The following LOC128092252 variants were observed in gnomAD, a reference collection of about 807,000 sequenced individuals.
At chr15:50,682,767 A>G in the LOC128092252 span, among the ~76,000 whole-genome samples, 1 of 152,180 alleles carries the variant, frequency 6.6e-6, no homozygotes, top group Non-Finnish European at 1.5e-5. Flanking sequence ...GCAAAGCATC[A>G]TCTAAAAGTG....
At chr15:50,666,772 A>G in the LOC128092252 span, among the ~76,000 whole-genome samples, 42 of 152,190 alleles carry the variant, frequency 2.8e-4, no homozygotes, top group African/African-American at 1.0e-3. Flanking sequence ...ATTGCACTCC[A>G]GCCTGGGCAA....
At chr15:50,657,770 G>A in the LOC128092252 span, 1 of 1,610,638 alleles carries the variant, frequency 6.2e-7, no homozygotes, top group Non-Finnish European at 8.5e-7. Context: ...GTATAGTTAT[G>A]TTAAACTTAC....
the LOC128092252 span, among the ~76,000 whole-genome samples, chr15:50,649,667 G>C: frequency 6.6e-6 from 1 of 152,222 alleles, no homozygotes; most frequent in South Asian, 2.1e-4. Flanking sequence ...GTCTGAGGCT[G>C]GGGTACAAAG....
the LOC128092252 span, among the ~76,000 whole-genome samples, chr15:50,651,577 G>T: frequency 2.6e-5 from 4 of 152,066 alleles, no homozygotes; most frequent in African/African-American, 9.7e-5. Flanking sequence ...CAGGTGGATT[G>T]CTTAAGCCCA....
the LOC128092252 span, among the ~76,000 whole-genome samples, chr15:50,651,193 G>C: frequency 2.0e-5 from 3 of 151,768 alleles, no homozygotes; most frequent in African/African-American, 7.3e-5. Context: ...TCTCAAAAAA[G>C]TAAATAAATA....
chr15:50,663,769 C>G, the LOC128092252 span, among the ~76,000 whole-genome samples: 2 of 151,990 alleles, frequency 1.3e-5, no homozygotes, highest in Non-Finnish European at 2.9e-5. Context: ...TCAAGGCTAC[C>G]CTGGAAAACA....
the LOC128092252 span, among the ~76,000 whole-genome samples, chr15:50,656,779 C>T: frequency 6.6e-6 from 1 of 152,088 alleles, no homozygotes; most frequent in African/African-American, 2.4e-5. Context: ...TCATCAGACC[C>T]TAAAGCATAT....
At chr15:50,664,606 T>C in the LOC128092252 span, among the ~76,000 whole-genome samples, 1 of 152,266 alleles carries the variant, frequency 6.6e-6, no homozygotes, top group South Asian at 2.1e-4. Context: ...TTAGTAGCAT[T>C]AGACAAATCT....
chr15:50,682,173 C>CAAAAAAAAAAAAAAAAAAAAAAA, the LOC128092252 span, among the ~76,000 whole-genome samples: 21 of 63,672 alleles, frequency 3.3e-4, 1 homozygote, highest in Non-Finnish European at 5.0e-4. Context: ...AACTCAGTCT[C>CAAAAAAAAAAAAAAAAAAAAAAA]AAAAAAAAAA....
At chr15:50,666,716 T>A in the LOC128092252 span, among the ~76,000 whole-genome samples, 1 of 151,652 alleles carries the variant, frequency 6.6e-6, no homozygotes, top group South Asian at 2.1e-4. Context: ...GCAGGAGAAT[T>A]GCTTGAACCT....
the LOC128092252 span, among the ~76,000 whole-genome samples, chr15:50,678,928 C>T: frequency 6.6e-6 from 1 of 152,268 alleles, no homozygotes; most frequent in East Asian, 1.9e-4. Context: ...GGCTGGAGTG[C>T]AATGGCGTGA....
the LOC128092252 span, among the ~76,000 whole-genome samples, chr15:50,660,291 T>C: frequency 1.7e-3 from 253 of 152,258 alleles, 1 homozygote; most frequent in African/African-American, 5.6e-3. Flanking sequence ...AATTGAGGGA[T>C]ATTTAAAAAA....
chr15:50,673,521 T>C, the LOC128092252 span, among the ~76,000 whole-genome samples: 1 of 152,142 alleles, frequency 6.6e-6, no homozygotes, highest in African/African-American at 2.4e-5. Flanking sequence ...ACATATGATG[T>C]TTGGTTTTCC....
At chr15:50,659,390 AAAGCAC>A in the LOC128092252 span, among the ~76,000 whole-genome samples, 153 of 152,298 alleles carry the variant, frequency 1.0e-3, no homozygotes, top group East Asian at 9.1e-3. Context: ...ACTTATAGCT[AAAGCAC>A]AGTACTGGAA....
At chr15:50,662,666 A>G in the LOC128092252 span, among the ~76,000 whole-genome samples, 1 of 147,898 alleles carries the variant, frequency 6.8e-6, no homozygotes, top group African/African-American at 2.7e-5. Context: ...AAAAAATAAG[A>G]GAGTCTTAAC....
At chr15:50,648,833 C>T in the LOC128092252 span, 2 of 1,612,784 alleles carry the variant, frequency 1.2e-6, no homozygotes, top group Non-Finnish European at 1.7e-6. Context: ...TATTTCATGG[C>T]AAGACTTGCA....
the LOC128092252 span, chr15:50,657,696 TGCCACTG>T: frequency 3.3e-6 from 4 of 1,211,610 alleles, no homozygotes; most frequent in Admixed American, 7.5e-5. Context: ...GTGAGTTTCA[TGCCACTG>T]TGTTCTAACT....
chr15:50,682,849 T>C, the LOC128092252 span, among the ~76,000 whole-genome samples: 1 of 152,026 alleles, frequency 6.6e-6, no homozygotes, highest in Non-Finnish European at 1.5e-5. Flanking sequence ...CAAGTAATGC[T>C]TATGTCCTAA....
At chr15:50,659,192 CAA>C in the LOC128092252 span, among the ~76,000 whole-genome samples, 20 of 99,130 alleles carry the variant, frequency 2.0e-4, no homozygotes, top group Admixed American at 2.3e-4. Context: ...GACTCCGTCT[CAA>C]AAAAAAAAAA....
Sources: gnomAD v4.1 joint callset for allele counts (sites outside exome capture counted in the v4.1 genomes callset) on GRCh38, gnomAD v4.1.1 for gene constraint, MANE v1.5 for transcripts.